ADAMTS3: variants seen among roughly 807,000 people sequenced by gnomAD.
ADAMTS3 encodes ADAM metallopeptidase with thrombospondin type 1 motif 3, also known as A disintegrin and metalloproteinase with thrombospondin motifs 3.
Under a neutral mutation model 129.0 loss-of-function variants are expected in ADAMTS3, and 73 were observed. The observed-to-expected ratio is 0.57, with a 90% CI of 0.47 to 0.69. The LOEUF is 0.69. ADAMTS3 is among the 30% of genes least tolerant of loss of function. ADAMTS3 has a pLI of 0.00. For synonymous variants in ADAMTS3, 477 were observed against 510.8 expected (o/e 0.93, Z 0.89); for missense variants, 1,457 against 1,514.5 (o/e 0.96, Z 0.63).
intron 4 of ADAMTS3, among the ~76,000 whole-genome samples, chr4:72,347,455 C>T (rs1720318799): frequency 6.6e-6 from 1 of 151,570 alleles, no homozygotes; most frequent in Non-Finnish European, 1.5e-5. Context: ...TTAGGCTACA[C>T]AGTGCTCTGA....
intron 3 of ADAMTS3, among the ~76,000 whole-genome samples, chr4:72,473,829 G>A (rs907563670): frequency 6.6e-6 from 1 of 152,216 alleles, no homozygotes. Flanking sequence ...CCACTGGGGT[G>A]GTTTCAAAGG....
intron 3 of ADAMTS3, among the ~76,000 whole-genome samples, chr4:72,533,533 C>G (rs1721097250): frequency 1.1e-5 from 1 of 93,746 alleles, no homozygotes; most frequent in Non-Finnish European, 2.6e-5. Flanking sequence ...TTATTATCAT[C>G]AAGTACATAA....
chr4:72,431,177 A>C (rs1306860418), intron 3 of ADAMTS3, among the ~76,000 whole-genome samples: 1 of 152,028 alleles, frequency 6.6e-6, no homozygotes, highest in East Asian at 1.9e-4. Context: ...AAAGAAAGAA[A>C]AGAATTATGG....
At chr4:72,461,921 C>G (rs1718781319) in intron 3 of ADAMTS3, among the ~76,000 whole-genome samples, 2 of 151,978 alleles carry the variant, frequency 1.3e-5, no homozygotes, top group South Asian at 4.1e-4. Context: ...TTTCCTTTCT[C>G]TACTTCATCC....
intron 2 of ADAMTS3, among the ~76,000 whole-genome samples, chr4:72,562,663 A>G (rs1721930544): frequency 6.6e-6 from 1 of 152,216 alleles, no homozygotes. Context: ...GGGAACTGGA[A>G]TGATTTTCAA....
chr4:72,553,292 A>C (rs1721687427), intron 2 of ADAMTS3, among the ~76,000 whole-genome samples: 1 of 152,142 alleles, frequency 6.6e-6, no homozygotes, highest in African/African-American at 2.4e-5. Flanking sequence ...AGCTACCAAA[A>C]ACAAGAAATG....
At chr4:72,507,456 T>C (rs998214602) in intron 3 of ADAMTS3, among the ~76,000 whole-genome samples, 2 of 152,226 alleles carry the variant, frequency 1.3e-5, no homozygotes, top group African/African-American at 4.8e-5. Context: ...CCAGGAACTA[T>C]GTTTTGATTG....
intron 3 of ADAMTS3, among the ~76,000 whole-genome samples, chr4:72,516,408 T>C (rs1026262609): frequency 6.6e-6 from 1 of 152,160 alleles, no homozygotes; most frequent in African/African-American, 2.4e-5. Flanking sequence ...TGGCACCAAA[T>C]CTATAAATTA....
At chr4:72,415,224 T>G (rs1722275884) in intron 3 of ADAMTS3, among the ~76,000 whole-genome samples, 1 of 152,014 alleles carries the variant, frequency 6.6e-6, no homozygotes, top group Admixed American at 6.6e-5. Context: ...AGGATAAGAA[T>G]AGGGAAATCA....
intron 3 of ADAMTS3, among the ~76,000 whole-genome samples, chr4:72,522,907 C>T (rs376954502): frequency 1.3e-5 from 2 of 151,990 alleles, no homozygotes; most frequent in East Asian, 1.9e-4. Context: ...TTTCTTAACA[C>T]GAGCAAGTGT....
intron 3 of ADAMTS3, among the ~76,000 whole-genome samples, chr4:72,504,071 G>T (rs1490334433): frequency 2.0e-5 from 3 of 152,142 alleles, no homozygotes; most frequent in Non-Finnish European, 4.4e-5. Flanking sequence ...TGCCATTTAA[G>T]TGGGATGTTT....
intron 3 of ADAMTS3, among the ~76,000 whole-genome samples, chr4:72,462,451 A>G (rs1334812003): frequency 6.6e-6 from 1 of 152,044 alleles, no homozygotes; most frequent in Non-Finnish European, 1.5e-5. Context: ...TCCCAAGCAC[A>G]TCAAAGAAAC....
At chr4:72,556,727 G>C (rs924302948) in intron 2 of ADAMTS3, among the ~76,000 whole-genome samples, 2 of 151,608 alleles carry the variant, frequency 1.3e-5, no homozygotes, top group African/African-American at 4.9e-5. Context: ...GCTCGCAGAG[G>C]TTATCTGTAA....
chr4:72,418,933 C>A (rs1338268046), intron 3 of ADAMTS3, among the ~76,000 whole-genome samples: 1 of 152,156 alleles, frequency 6.6e-6, no homozygotes, highest in Non-Finnish European at 1.5e-5. Flanking sequence ...GTTCAATTTT[C>A]TTTTTCTTTT....
In ADAMTS3 at chr4:72,315,819, C is replaced by T. The variant is rs530159080; in HGVS notation, c.1599+39G>A. 508 of 1,289,624 alleles carry T rather than the reference C, an allele frequency of 3.9e-4. 8 individuals carry two copies. In the South Asian group the frequency reaches 4.4e-3, roughly 11 times the overall value. The allele number at this position is 1,289,624 out of a possible 1,614,324, so 79.9% of individuals were successfully genotyped here. A position where few individuals can be genotyped will look rare whatever the true frequency, so the allele number is the denominator to read the frequency against. On this transcript the variant is annotated intron_variant, in intron 11 of 21. Transcript: ENST00000286657. ...ACCTTTAAAGATGATAATTATGCAA[C>T]ATATCTTACATATTTATTGTGTAAA...
chr4:72,542,027 TA>T (rs1163055145), intron 3 of ADAMTS3, among the ~76,000 whole-genome samples: 1 of 152,242 alleles, frequency 6.6e-6, no homozygotes, highest in Non-Finnish European at 1.5e-5. Flanking sequence ...ATTTTATGGT[TA>T]AACTTTCCTT....
chr4:72,374,246 G>T (rs1721084410), intron 4 of ADAMTS3, among the ~76,000 whole-genome samples: 2 of 150,304 alleles, frequency 1.3e-5, no homozygotes, highest in South Asian at 4.2e-4. Flanking sequence ...TTTAAAAACT[G>T]AGTTGCATCC....
rs192610092 is a variant in ADAMTS3 at position 72,282,395 on chromosome 4, C to G, written c.*741G>C. 1.6e-4 allele frequency: 25 copies of G among 152,200 alleles called. No homozygotes were observed. Among genetic ancestry groups the G allele is most frequent in the African/African-American group, 5.1e-4 (21 of 41,462 alleles). 9.4% of individuals were successfully genotyped at this position (152,200 alleles called of 1,614,324 possible). A position where few individuals can be genotyped will look rare whatever the true frequency, so the allele number is the denominator to read the frequency against. Reference sequence around the variant, plus strand: ...TAGAAGGCAATAGGTAAGCTGATATCTGTATATCTATAGCTTTTGTGTTTC... The same window carrying G: ...TAGAAGGCAATAGGTAAGCTGATATGTGTATATCTATAGCTTTTGTGTTTC... On this transcript the variant is annotated 3_prime_UTR_variant, in exon 22 of 22. Transcript: ENST00000286657.
chr4:72,477,212 C>G (rs1168172296), intron 3 of ADAMTS3, among the ~76,000 whole-genome samples: 1 of 152,138 alleles, frequency 6.6e-6, no homozygotes. Context: ...TTACAGAACA[C>G]TCCACCCCAA....
Sources: gnomAD v4.1 joint callset for allele counts (sites outside exome capture counted in the v4.1 genomes callset) on GRCh38, gnomAD v4.1.1 for gene constraint, MANE v1.5 for transcripts, NCBI Gene and HGNC (gene_info 2026-07-23, HGNC 2026-07-21) for gene names.